Variants in ZMYM2 observed in about 807,000 individuals in gnomAD.
ZMYM2 encodes zinc finger MYM-type protein 2.
In ZMYM2, 56 loss-of-function variants were observed where a neutral mutation model predicts 162.8. The ratio of observed to expected loss-of-function variants is 0.34; its 90% CI spans 0.28 to 0.43. The LOEUF is 0.43. Ranked by LOEUF, ZMYM2 falls within the 20% of genes least tolerant of loss-of-function variation. The pLI is 1.00. For missense variants in ZMYM2, 1,275 were observed against 1,621.8 expected, an observed-to-expected ratio of 0.79 and a Z score of 3.67; for synonymous variants, 510 against 541.6, an observed-to-expected ratio of 0.94 and a Z score of 0.81.
At chr13:20,055,218 A>C (rs1279063671) in intron 14 of ZMYM2, among the ~76,000 whole-genome samples, 1 of 152,138 alleles carries the variant, frequency 6.6e-6, no homozygotes, top group Non-Finnish European at 1.5e-5. Flanking sequence ...TTGTGCAGTC[A>C]GTCCTCATTC....
chr13:19,980,626 G>C (rs112506979), intron 2 of ZMYM2, among the ~76,000 whole-genome samples: 1 of 151,438 alleles, frequency 6.6e-6, no homozygotes, highest in East Asian at 1.9e-4. Flanking sequence ...GGTGGCAGGC[G>C]CCTGTAATCC....
At chr13:20,000,534 T>G (rs1950316727) in intron 3 of ZMYM2, among the ~76,000 whole-genome samples, 1 of 152,230 alleles carries the variant, frequency 6.6e-6, no homozygotes, top group East Asian at 1.9e-4. Context: ...TCCTTAAGAA[T>G]GATGATAAAT....
intron 2 of ZMYM2, among the ~76,000 whole-genome samples, chr13:19,970,600 C>CAAAAAA (rs11365281): frequency 4.4e-4 from 39 of 87,932 alleles, no homozygotes; most frequent in Non-Finnish European, 5.2e-4. Context: ...AACCCCAAAC[C>CAAAAAA]AAAAAAAAAA....
intron 2 of ZMYM2, among the ~76,000 whole-genome samples, chr13:19,961,748 T>G (rs1955234939): frequency 6.6e-6 from 1 of 152,246 alleles, no homozygotes; most frequent in African/African-American, 2.4e-5. Context: ...GGTTCTTGTT[T>G]TGCTTAACGA....
intron 14 of ZMYM2, among the ~76,000 whole-genome samples, chr13:20,056,086 G>A (rs1389595482): frequency 2.0e-5 from 3 of 152,194 alleles, no homozygotes; most frequent in African/African-American, 4.8e-5. Context: ...CCTTTGAAAT[G>A]CCCTTGGCCT....
intron 10 of ZMYM2, among the ~76,000 whole-genome samples, chr13:20,033,753 C>T (rs1953418678): frequency 6.6e-6 from 1 of 152,166 alleles, no homozygotes; most frequent in East Asian, 1.9e-4. Context: ...GGAAACAACT[C>T]AGTCTCAGGT....
At chr13:19,874,191 C>T in the ZMYM2 span, among the ~76,000 whole-genome samples, 98 of 152,084 alleles carry the variant, frequency 6.4e-4, no homozygotes, top group Non-Finnish European at 1.0e-3. Context: ...ACCTATGAGG[C>T]GGAACCTGGG....
At position 20,006,377 on chromosome 13, in the gene ZMYM2, C is replaced by T. The variant is rs1196960914; in HGVS notation, c.1303C>T (p.Arg435Cys). The T allele has an allele frequency of 3.8e-6, 6 of 1,570,844 alleles. No individual in the cohort carries two copies. The highest frequency in any genetic ancestry group is 4.3e-6 in the Non-Finnish European group (5 of 1,157,252). The part of the protein sequence containing the change: ...CTICGKLTEI[R>C]HEVSFKNMTH... Reference sequence around the variant, plus strand: ...ATTTTGTTTATTTTTCTTTTAGATTCGCCATGAAGTCAGCTTTAAAAATAT... The same window carrying T: ...ATTTTGTTTATTTTTCTTTTAGATTTGCCATGAAGTCAGCTTTAAAAATAT... The change falls in exon 6 of 25, where the codon CGC becomes TGC. Residue 435 changes from arginine to cysteine, a missense_variant. Arg to Cys is a radical substitution (Grantham distance 180, BLOSUM62 -3). Transcript: ENST00000610343.
intron 3 of ZMYM2, among the ~76,000 whole-genome samples, chr13:19,999,898 A>G (rs1243035695): frequency 6.6e-6 from 1 of 152,168 alleles, no homozygotes; most frequent in Non-Finnish European, 1.5e-5. Context: ...CACAGGCTCA[A>G]GAGATCCTCC....
intron 6 of ZMYM2, among the ~76,000 whole-genome samples, chr13:20,010,891 G>A (rs1307220415): frequency 2.0e-5 from 3 of 152,084 alleles, no homozygotes; most frequent in African/African-American, 7.2e-5. Context: ...TGCCCGCCTC[G>A]GCCTCCCCAA....
chr13:19,864,993 GT>G, the ZMYM2 span: 6 of 152,284 alleles, frequency 3.9e-5, no homozygotes, highest in Non-Finnish European at 7.3e-5. Context: ...TTGGATGAAA[GT>G]TGGTGAAATA....
the ZMYM2 span, among the ~76,000 whole-genome samples, chr13:19,867,714 C>T: frequency 2.0e-5 from 3 of 152,082 alleles, no homozygotes; most frequent in Non-Finnish European, 4.4e-5. Flanking sequence ...CAACCTCCGC[C>T]TCCCGGGTTC....
At chr13:19,882,451 A>C in the ZMYM2 span, among the ~76,000 whole-genome samples, 2 of 152,304 alleles carry the variant, frequency 1.3e-5, no homozygotes, top group South Asian at 2.1e-4. Flanking sequence ...ATGAGTATTA[A>C]AACCACAATT....
chr13:20,021,841 C>G (rs1952135615), intron 7 of ZMYM2, among the ~76,000 whole-genome samples: 1 of 152,176 alleles, frequency 6.6e-6, no homozygotes, highest in Non-Finnish European at 1.5e-5. Flanking sequence ...GATCACAGAT[C>G]AGTTTTCAGC....
At chr13:19,896,942 A>C in the ZMYM2 span, among the ~76,000 whole-genome samples, 1 of 136,224 alleles carries the variant, frequency 7.3e-6, no homozygotes, top group Non-Finnish European at 1.6e-5. Context: ...GCGTGGTGGC[A>C]GGCGCCTGTA....
chr13:20,010,198 TG>T (rs1326562792), intron 6 of ZMYM2, among the ~76,000 whole-genome samples: 6 of 152,164 alleles, frequency 3.9e-5, no homozygotes, highest in Non-Finnish European at 5.9e-5. Context: ...TTGTTGTTGT[TG>T]TTTTTTTTAT....
intron 3 of ZMYM2, among the ~76,000 whole-genome samples, chr13:19,997,728 T>C (rs1279299496): frequency 6.6e-6 from 1 of 152,138 alleles, no homozygotes; most frequent in Admixed American, 6.5e-5. Context: ...GAAAATAATG[T>C]TGTCTTACCG....
intron 3 of ZMYM2, among the ~76,000 whole-genome samples, chr13:19,999,029 G>T (rs1043569262): frequency 6.6e-6 from 1 of 152,172 alleles, no homozygotes; most frequent in African/African-American, 2.4e-5. Flanking sequence ...GAGGCCTGCA[G>T]AACAGCAACT....
intron 12 of ZMYM2, among the ~76,000 whole-genome samples, chr13:20,039,095 C>T (rs1566368150): frequency 6.6e-6 from 1 of 152,102 alleles, no homozygotes; most frequent in East Asian, 1.9e-4. Context: ...TGTTGGCATA[C>T]AGAAAAGCTA....
Sources: gnomAD v4.1 joint callset for allele counts (sites outside exome capture counted in the v4.1 genomes callset) on GRCh38, gnomAD v4.1.1 for gene constraint, MANE v1.5 for transcripts, NCBI Gene and HGNC (gene_info 2026-07-23, HGNC 2026-07-21) for gene names.